YIPF4: variants seen among roughly 807,000 people sequenced by gnomAD.
YIPF4 encodes Yip1 domain family member 4.
In YIPF4, 18 loss-of-function variants were observed where a neutral mutation model predicts 29.4. The ratio of observed to expected loss-of-function variants is 0.61; its 90% CI spans 0.42 to 0.91. YIPF4 has a LOEUF of 0.91. Ranked by LOEUF, YIPF4 falls within the 40% of genes least tolerant of loss-of-function variation. The pLI, the probability that YIPF4 is intolerant of heterozygous loss-of-function variation, is 0.00. For missense variants in YIPF4, 279 were observed against 282.7 expected, an observed-to-expected ratio of 0.99 and a Z score of 0.09; for synonymous variants, 115 against 104.7, an observed-to-expected ratio of 1.10 and a Z score of -0.60.
rs181621411 is a variant in YIPF4, at chr2:32,311,477, T to C, written c.*5851T>C. 1 of 152,342 alleles carries C rather than the reference T, an allele frequency of 6.6e-6. No homozygotes were observed. The highest frequency in any genetic ancestry group is 2.4e-5 in the African/African-American group (1 of 41,582). 9.4% of individuals were successfully genotyped at this position (152,342 alleles called of 1,614,324 possible). A position where few individuals can be genotyped will look rare whatever the true frequency, so the allele number is the denominator to read the frequency against. ...ATTGGCAGTATCTTGGTTTCAACTT[T>C]TCTATTTTCAGCAAGATATTTGCAA... On this transcript the variant is annotated 3_prime_UTR_variant, in exon 6 of 6. Coordinates refer to ENST00000238831, the MANE Select transcript of YIPF4 (RefSeq NM_032312.4).
At position 32,307,828 on chromosome 2, in the gene YIPF4, C is replaced by G. The variant is rs2031625302; in HGVS notation, c.*2202C>G. On this transcript the variant is annotated 3_prime_UTR_variant, in exon 6 of 6. Coordinates refer to ENST00000238831, the MANE Select transcript of YIPF4 (RefSeq NM_032312.4). ...TGTATAATCCCAGCTACTCAGGAGG[C>G]TGAGGCAGGGAGAATCGCTTGAACC... The G allele has an allele frequency of 6.9e-6, 1 of 145,254 alleles. No homozygotes were observed. Among genetic ancestry groups the G allele is most frequent in the Non-Finnish European group, 1.5e-5 (1 of 67,090 alleles). The allele number at this position is 145,254 out of a possible 1,614,324, so 9.0% of individuals were successfully genotyped here. A position where few individuals can be genotyped will look rare whatever the true frequency, so the allele number is the denominator to read the frequency against.
chr2:32,282,938 G>C lies in YIPF4; in HGVS notation c.79+4704G>C, dbSNP rs538752285. ...AAAAATACAAAAAAATTAGCCGGGG[G>C]TGGTGGCGGGTGCCTGTAGTCCCAG... is the stretch of plus-strand genomic sequence containing the variant. On this transcript the variant is annotated intron_variant, in intron 1 of 5. Transcript: ENST00000238831. Among the ~76,000 whole-genome samples, 3 of 152,076 alleles carry C rather than the reference G, an allele frequency of 2.0e-5. No individual in the cohort carries two copies. The South Asian group carries it at 6.2e-4, about 32-fold the overall frequency.
intron 3 of YIPF4, among the ~76,000 whole-genome samples, chr2:32,295,675 C>G (rs1027876809): frequency 2.0e-5 from 3 of 152,214 alleles, no homozygotes; most frequent in Non-Finnish European, 4.4e-5. Flanking sequence ...ACGATCTCAG[C>G]TCACTGCACT....
At chr2:32,303,114 C>T (rs765100251) in intron 5 of YIPF4, among the ~76,000 whole-genome samples, 2 of 152,186 alleles carry the variant, frequency 1.3e-5, no homozygotes, top group Non-Finnish European at 2.9e-5. Context: ...CCTATAATCC[C>T]AGCACTTTGG....
Position 32,301,432 on chromosome 2 carries a change from C to T in YIPF4, c.534C>T (p.Leu178=). 1.2e-6 allele frequency: 2 copies of T among 1,613,854 alleles called. No individual in the cohort carries two copies. Among genetic ancestry groups the T allele is most frequent in the South Asian group, 1.1e-5 (1 of 91,070 alleles). ...LGVIGYSLLP[L]IVIAPVLLVV... ...TTATAGGATATTCATTACTTCCTCT[C>T]ATTGTAATAGCCCCTGTACTTTTGG... Residue 178 remains leucine, a synonymous_variant, in exon 5 of 6, where the codon CTC becomes CTT. Transcript: ENST00000238831.
intron 3 of YIPF4, among the ~76,000 whole-genome samples, chr2:32,292,786 C>T (rs1296862244): frequency 6.7e-6 from 1 of 150,122 alleles, no homozygotes; most frequent in Non-Finnish European, 1.5e-5. Context: ...ATCACTTGAA[C>T]CCGGGAGGCC....
chr2:32,305,772 T>A lies in YIPF4; in HGVS notation c.*146T>A, dbSNP rs1425150231. 5.0e-5 allele frequency: 61 copies of A among 1,211,272 alleles called. No individual in the cohort carries two copies. Among genetic ancestry groups the A allele is most frequent in the Non-Finnish European group, 6.3e-5 (61 of 973,302 alleles). The allele number at this position is 1,211,272 out of a possible 1,614,324, so 75.0% of individuals were successfully genotyped here. ...GAAGTCTAAGCGCTTTTTAAAACAA[T>A]TTTTTTTTGTATTTAATTAAGCAAT... On this transcript the variant is annotated 3_prime_UTR_variant, in exon 6 of 6. Coordinates refer to ENST00000238831, the MANE Select transcript of YIPF4 (RefSeq NM_032312.4).
chr2:32,293,863 C>T (rs1414480099), intron 3 of YIPF4, among the ~76,000 whole-genome samples: 1 of 148,260 alleles, frequency 6.7e-6, no homozygotes, highest in Admixed American at 6.7e-5. Flanking sequence ...CACCTCCCTC[C>T]CGGACGGGGC....
chr2:32,303,221 G>A (rs1299170178), intron 5 of YIPF4, among the ~76,000 whole-genome samples: 1 of 152,064 alleles, frequency 6.6e-6, no homozygotes, highest in Non-Finnish European at 1.5e-5. Context: ...TTAGCCAGGT[G>A]TGGTGGCGGG....
chr2:32,301,801 G>A (rs563517143), intron 5 of YIPF4, among the ~76,000 whole-genome samples: 1 of 151,702 alleles, frequency 6.6e-6, no homozygotes, highest in Admixed American at 6.6e-5. Context: ...TGCCTCCCAG[G>A]TTCATGTGAT....
At position 32,290,539 on chromosome 2, in the gene YIPF4, A is replaced by T. The variant is rs751823474; in HGVS notation, c.136A>T (p.Ile46Phe). Residue 46 changes from isoleucine (I) to phenylalanine (F), a missense_variant, in exon 2 of 6, where the codon ATC (isoleucine) becomes TTC (phenylalanine). Ile to Phe is a conservative substitution (Grantham distance 21, BLOSUM62 0). Coordinates refer to ENST00000238831, the MANE Select transcript of YIPF4 (RefSeq NM_032312.4). ...DVKLNLGGDF[I>F]KESTATTFLR... ...CAAATTAAATCTTGGTGGAGATTTT[A>T]TCAAAGAATCTACAGCTACTACATT... The T allele has an allele frequency of 3.2e-6, 5 of 1,583,266 alleles. No individual in the cohort carries two copies. The highest frequency in any genetic ancestry group is 4.3e-6 in the Non-Finnish European group (5 of 1,165,648).
At chr2:32,291,201 A>G (rs2030898100) in intron 2 of YIPF4, among the ~76,000 whole-genome samples, 2 of 152,362 alleles carry the variant, frequency 1.3e-5, no homozygotes, top group Admixed American at 6.5e-5. Context: ...AATTATCAGT[A>G]GAGTAAGTGC....
chr2:32,287,874 T>A (rs751850037), intron 1 of YIPF4, among the ~76,000 whole-genome samples: 6 of 152,200 alleles, frequency 3.9e-5, no homozygotes, highest in Non-Finnish European at 8.8e-5. Context: ...ATCCTTTACA[T>A]TGTTTTTACT....
chr2:32,296,136 T>C (rs922003125), intron 3 of YIPF4, among the ~76,000 whole-genome samples: 15 of 152,156 alleles, frequency 9.9e-5, no homozygotes, highest in Admixed American at 7.9e-4. Context: ...CTAGAACATC[T>C]CTAATTGTAT....
At chr2:32,291,620 AATT>A (rs746812993) in intron 2 of YIPF4, among the ~76,000 whole-genome samples, 12 of 152,184 alleles carry the variant, frequency 7.9e-5, no homozygotes, top group Non-Finnish European at 1.8e-4. Context: ...TTTACATATT[AATT>A]AAACAGAAAA....
In YIPF4 at chr2:32,306,578, T is replaced by C; in HGVS notation, c.*952T>C. 1.0e-6 allele frequency: 1 copy of C among 985,388 alleles called. No individual in the cohort carries two copies. The highest frequency in any genetic ancestry group is 1.2e-6 in the Non-Finnish European group (1 of 829,864). The allele number at this position is 985,388 out of a possible 1,614,324, so 61.0% of individuals were successfully genotyped here. On this transcript the variant is annotated 3_prime_UTR_variant, in exon 6 of 6. Transcript: ENST00000238831. Reference sequence around the variant, plus strand: ...TAAAATACTTCCCAGTTGTGTGTTTTGTTTTACAGCACCATGTCCTGTATT... The same window carrying C: ...TAAAATACTTCCCAGTTGTGTGTTTCGTTTTACAGCACCATGTCCTGTATT...
intron 5 of YIPF4, among the ~76,000 whole-genome samples, chr2:32,305,000 A>C (rs1018259399): frequency 2.6e-5 from 4 of 152,132 alleles, no homozygotes; most frequent in Non-Finnish European, 2.9e-5. Flanking sequence ...TATTGTATAA[A>C]ATTTTTACTT....
At chr2:32,287,392 CTGAGA>C (rs2030724104) in intron 1 of YIPF4, among the ~76,000 whole-genome samples, 1 of 152,104 alleles carries the variant, frequency 6.6e-6, no homozygotes, top group African/African-American at 2.4e-5. Context: ...ATTTTCAAGT[CTGAGA>C]TGAGATGAAA....
At chr2:32,299,113 A>G (rs1450891958) in intron 4 of YIPF4, among the ~76,000 whole-genome samples, 1 of 152,160 alleles carries the variant, frequency 6.6e-6, no homozygotes, top group Non-Finnish European at 1.5e-5. Flanking sequence ...CCCGATCTCA[A>G]GTGATCTGCC....
Sources: gnomAD v4.1 joint callset for allele counts (sites outside exome capture counted in the v4.1 genomes callset) on GRCh38, gnomAD v4.1.1 for gene constraint, MANE v1.5 for transcripts, NCBI Gene and HGNC (gene_info 2026-07-23, HGNC 2026-07-21) for gene names.